GABRP: variants seen among roughly 807,000 people sequenced by gnomAD.
GABRP encodes gamma-aminobutyric acid type A receptor subunit pi, also known as gamma-aminobutyric acid receptor subunit pi.
Under a neutral mutation model 47.8 loss-of-function variants are expected in GABRP, and 52 were observed. The observed-to-expected ratio is 1.09, with a 90% CI of 0.87 to 1.37. The LOEUF is 1.37. Ranked by LOEUF, GABRP falls within the 40% of genes most tolerant of loss-of-function variation. GABRP has a pLI of 0.00. For missense variants in GABRP, 525 were observed against 542.8 expected (o/e 0.97, Z 0.33); for synonymous variants, 221 against 205.8 (o/e 1.07, Z -0.63).
At chr5:170,793,926 ACT>A (rs905725837) in intron 3 of GABRP, among the ~76,000 whole-genome samples, 3 of 152,012 alleles carry the variant, frequency 2.0e-5, no homozygotes, top group Admixed American at 2.0e-4. Context: ...GAAGAGTGAA[ACT>A]CTGTCTCAAA....
chr5:170,786,599 G>T (rs1235170848), intron 1 of GABRP, among the ~76,000 whole-genome samples: 1 of 152,158 alleles, frequency 6.6e-6, no homozygotes, highest in Non-Finnish European at 1.5e-5. Context: ...ATTAAGAGGA[G>T]TTGGGTCAGC....
At chr5:170,802,931 C>G (rs1454085812) in intron 6 of GABRP, among the ~76,000 whole-genome samples, 1 of 152,216 alleles carries the variant, frequency 6.6e-6, no homozygotes, top group Non-Finnish European at 1.5e-5. Flanking sequence ...TAAGTACCAT[C>G]TCTAGAAAAG....
chr5:170,792,677 C>A (rs1415537729), intron 3 of GABRP, among the ~76,000 whole-genome samples: 1 of 152,190 alleles, frequency 6.6e-6, no homozygotes, highest in African/African-American at 2.4e-5. Flanking sequence ...AGATCTCGCC[C>A]TTTCCCACCA....
intron 6 of GABRP, among the ~76,000 whole-genome samples, chr5:170,801,890 C>T (rs1765605066): frequency 6.6e-6 from 1 of 151,696 alleles, no homozygotes; most frequent in African/African-American, 2.4e-5. Context: ...GGGAAAGTGT[C>T]ACTTGGAATG....
chr5:170,795,225 A>T lies in GABRP; in HGVS notation c.258A>T (p.Ile86=), dbSNP rs1373142279. Residue 86 remains isoleucine (I), a synonymous_variant, in exon 5 of 10, where the codon ATA becomes ATT. Transcript: ENST00000265294. ...CCTCCCAGGACTACACAGCCACCAT[A>T]TACCTCCGACAGCGCTGGATGGACC... ...SESNMDYTAT[I]YLRQRWMDQR... is the part of the protein sequence containing the mutation. 1 of 1,613,112 alleles carries T rather than the reference A, an allele frequency of 6.2e-7. No homozygotes were observed. The highest frequency in any genetic ancestry group is 8.5e-7 in the Non-Finnish European group (1 of 1,179,710).
At chr5:170,783,019 G>T (rs1352141149), upstream of GABRP, 3 of 152,300 alleles carry the variant, frequency 2.0e-5, no homozygotes, top group Non-Finnish European at 4.4e-5. Flanking sequence ...CAGGGAGGAA[G>T]AAGGCCTCCC....
chr5:170,806,009 C>G (rs747689817), intron 7 of GABRP, among the ~76,000 whole-genome samples, 156 bp downstream of exon 7: 1 of 152,134 alleles, frequency 6.6e-6, no homozygotes, highest in African/African-American at 2.4e-5. Context: ...CTCCTCCACA[C>G]CCAGTATTAA....
Position 170,797,472 on chromosome 5 carries a change from G to A in GABRP, c.465G>A (p.Thr155=), listed in dbSNP as rs148144716. The change falls in exon 6 of 10, where the codon ACG becomes ACA. Residue 155 remains threonine, a synonymous_variant. Coordinates refer to ENST00000265294, the MANE Select transcript of GABRP (RefSeq NM_014211.3). ...ACCTGTTTTTCCCTCTTAGAATCAC[G>A]ACAACTGTTGCATGTAACATGGATC... ...NGTVLYALRI[T]TTVACNMDLS... 1.4e-3 allele frequency: 2,221 copies of A among 1,607,514 alleles called. 26 individuals are homozygous for A. The African/African-American group carries it at 0.023, about 16-fold the overall frequency.
intron 8 of GABRP, 51 bp downstream of exon 8, chr5:170,808,803 AC>A (rs756003389): frequency 2.2e-5 from 34 of 1,551,564 alleles, no homozygotes; most frequent in Non-Finnish European, 2.7e-5. Flanking sequence ...CAGGTTACTT[AC>A]TTTTTTTCCT....
intron 6 of GABRP, among the ~76,000 whole-genome samples, chr5:170,802,133 C>A (rs1392503896): frequency 6.6e-6 from 1 of 152,152 alleles, no homozygotes; most frequent in Non-Finnish European, 1.5e-5. Flanking sequence ...TGGGGATTTG[C>A]CTGTGATGAA....
chr5:170,812,170 G>C lies in GABRP; in HGVS notation c.1235G>C (p.Ser412Thr). Residue 412 changes from serine (S) to threonine (T), a missense_variant, in exon 10 of 10, where the codon AGT (serine) becomes ACT (threonine). Physicochemically the swap from Ser to Thr is moderately conservative, Grantham distance 58. Transcript: ENST00000265294. ...IVDYFTIQNP[S>T]NVDHYSKLLF... The stretch of plus-strand genomic sequence containing the variant: ...GATTATTTCACAATTCAAAACCCCA[G>C]TAATGTTGATCACTATTCCAAACTA... 1.9e-6 allele frequency: 3 copies of C among 1,613,904 alleles called. No homozygotes were observed. The highest frequency in any genetic ancestry group is 2.5e-6 in the Non-Finnish European group (3 of 1,179,878).
At chr5:170,784,308 G>A (rs1295557887) in intron 1 of GABRP, among the ~76,000 whole-genome samples, 3 of 151,898 alleles carry the variant, frequency 2.0e-5, no homozygotes, top group Non-Finnish European at 2.9e-5. Context: ...TGGGGTTGGG[G>A]GTCACTGTAT....
rs1765938521 is a variant in GABRP at position 170,813,194 on chromosome 5, A to C, written c.*936A>C. 1 of 152,100 alleles carries C rather than the reference A, an allele frequency of 6.6e-6. No homozygotes were observed. Among genetic ancestry groups the C allele is most frequent in the Non-Finnish European group, 1.5e-5 (1 of 68,020 alleles). 9.4% of individuals were successfully genotyped at this position (152,100 alleles called of 1,614,324 possible). A position where few individuals can be genotyped will look rare whatever the true frequency, so the allele number is the denominator to read the frequency against. ...ATGGGGTACTAAAAGTACTGGGTTG[A>C]CTCAGAGAGTCGCTGTCATTCTGTC... On this transcript the variant is annotated 3_prime_UTR_variant, in exon 10 of 10. Transcript: ENST00000265294.
chr5:170,800,222 G>T (rs1027614632), intron 6 of GABRP, among the ~76,000 whole-genome samples: 1 of 152,076 alleles, frequency 6.6e-6, no homozygotes, highest in Non-Finnish European at 1.5e-5. Flanking sequence ...GACAAACCTG[G>T]CAAAAACAAG....
Position 170,808,691 on chromosome 5 carries a change from G to T in GABRP, c.771G>T (p.Val257=), listed in dbSNP as rs779563126. The part of the protein sequence containing the change: ...LETYVPSTFL[V]VLSWVSFWIS... ...CCTACGTTCCTTCCACTTTCCTGGT[G>T]GTGTTGTCCTGGGTTTCATTTTGGA... Residue 257 remains valine (V), a synonymous_variant, in exon 8 of 10, where the codon GTG becomes GTT. Coordinates refer to ENST00000265294, the MANE Select transcript of GABRP (RefSeq NM_014211.3). 2 of 1,614,092 alleles carry T rather than the reference G, an allele frequency of 1.2e-6. No homozygotes were observed. Among genetic ancestry groups the T allele is most frequent in the South Asian group, 2.2e-5 (2 of 91,076 alleles).
At chr5:170,804,427 G>C (rs1201208513) in intron 6 of GABRP, among the ~76,000 whole-genome samples, 2 of 152,082 alleles carry the variant, frequency 1.3e-5, no homozygotes, top group African/African-American at 4.8e-5. Flanking sequence ...AAGTTTTAAA[G>C]AAATTGCTAC....
chr5:170,787,402 T>C (rs1581586585), intron 1 of GABRP, among the ~76,000 whole-genome samples: 1 of 152,348 alleles, frequency 6.6e-6, no homozygotes, highest in East Asian at 1.9e-4. Flanking sequence ...CCTGCCTGGC[T>C]ACCCCCTGCT....
At chr5:170,794,768 T>A (rs1765376662) in intron 4 of GABRP, among the ~76,000 whole-genome samples, 1 of 151,890 alleles carries the variant, frequency 6.6e-6, no homozygotes, top group South Asian at 2.1e-4. Flanking sequence ...CTAAAGGCAG[T>A]TTGCCAAGAG....
chr5:170,810,018 C>T, intron 9 of GABRP: 1 of 700,156 alleles, frequency 1.4e-6, no homozygotes, highest in Non-Finnish European at 2.6e-6. Context: ...CATAAAATCA[C>T]AACCACAGGA....
Sources: gnomAD v4.1 joint callset for allele counts (sites outside exome capture counted in the v4.1 genomes callset) on GRCh38, gnomAD v4.1.1 for gene constraint, MANE v1.5 for transcripts, NCBI Gene and HGNC (gene_info 2026-07-23, HGNC 2026-07-21) for gene names.